Variants in GABRB1 observed in about 807,000 individuals in gnomAD.
The protein encoded by GABRB1 is gamma-aminobutyric acid receptor subunit beta-1.
Under a neutral mutation model 51.6 loss-of-function variants are expected in GABRB1, and 17 were observed. That is an observed-to-expected ratio of 0.33 (90% confidence interval 0.23 to 0.49). GABRB1 has a LOEUF of 0.49. GABRB1 is among the 20% of genes least tolerant of loss of function. GABRB1 has a pLI of 0.99. For synonymous variants in GABRB1, 247 were observed against 218.9 expected (o/e 1.13, Z -1.14); for missense variants, 410 against 600.6 (o/e 0.68, Z 3.32).
At chr4:47,230,933 C>G (rs1721119566) in intron 4 of GABRB1, among the ~76,000 whole-genome samples, 1 of 152,168 alleles carries the variant, frequency 6.6e-6, no homozygotes, top group African/African-American at 2.4e-5. Flanking sequence ...TTCCATGTAA[C>G]AGGCCCTCAT....
intron 4 of GABRB1, among the ~76,000 whole-genome samples, chr4:47,186,441 T>C (rs1403194159): frequency 6.6e-6 from 1 of 151,806 alleles, no homozygotes; most frequent in East Asian, 1.9e-4. Flanking sequence ...ATGGAAGAAA[T>C]TTGTCTGAAA....
At chr4:47,019,629 T>C (rs112286016) in intron 1 of GABRB1, among the ~76,000 whole-genome samples, 2,530 of 29,248 alleles carry the variant, frequency 0.087, 39 homozygotes, top group South Asian at 0.17. Context: ...TTCTCTCTCT[T>C]TCTTTCTTTC....
At chr4:47,098,895 AAT>A (rs1333277851) in intron 3 of GABRB1, among the ~76,000 whole-genome samples, 1 of 152,092 alleles carries the variant, frequency 6.6e-6, no homozygotes, top group Non-Finnish European at 1.5e-5. Context: ...ATTGAAAGAA[AAT>A]TCAACACTTT....
intron 5 of GABRB1, among the ~76,000 whole-genome samples, chr4:47,395,284 G>A (rs1275115593): frequency 6.6e-6 from 1 of 152,170 alleles, no homozygotes; most frequent in Non-Finnish European, 1.5e-5. Context: ...TTACAATCAT[G>A]GCAGAAGGTG....
At chr4:47,171,265 G>T (rs908528555) in intron 4 of GABRB1, among the ~76,000 whole-genome samples, 2 of 148,088 alleles carry the variant, frequency 1.4e-5, no homozygotes, top group Non-Finnish European at 3.0e-5. Context: ...TCAAATGTCA[G>T]TTCTCAAAAA....
chr4:47,312,930 G>C (rs1724757207), intron 4 of GABRB1, among the ~76,000 whole-genome samples: 1 of 152,078 alleles, frequency 6.6e-6, no homozygotes, highest in Non-Finnish European at 1.5e-5. Flanking sequence ...TGTTTTGTCA[G>C]CAATTAGAAT....
intron 5 of GABRB1, among the ~76,000 whole-genome samples, chr4:47,352,763 A>G (rs1726403453): frequency 6.6e-6 from 1 of 152,172 alleles, no homozygotes; most frequent in Non-Finnish European, 1.5e-5. Context: ...TGGTTTGCAC[A>G]TTTGGGTTTG....
chr4:47,112,065 G>A (rs1314877574), intron 3 of GABRB1, among the ~76,000 whole-genome samples: 1 of 151,586 alleles, frequency 6.6e-6, no homozygotes, highest in African/African-American at 2.4e-5. Context: ...CACCTCCCGG[G>A]TTCAAGCGAT....
chr4:47,087,067 A>G (rs1402395755), intron 3 of GABRB1, among the ~76,000 whole-genome samples: 4 of 152,148 alleles, frequency 2.6e-5, no homozygotes, highest in African/African-American at 9.7e-5. Flanking sequence ...ACGTCTCACA[A>G]AATGCTTCGT....
intron 4 of GABRB1, among the ~76,000 whole-genome samples, chr4:47,289,663 A>C (rs1367678929): frequency 6.6e-6 from 1 of 152,212 alleles, no homozygotes; most frequent in East Asian, 1.9e-4. Context: ...ATACTGGTGT[A>C]CTGGATGAGT....
chr4:47,022,660 A>G (rs953677331), intron 1 of GABRB1, among the ~76,000 whole-genome samples: 1 of 152,010 alleles, frequency 6.6e-6, no homozygotes, highest in Non-Finnish European at 1.5e-5. Context: ...ACAAACGCTG[A>G]TAAGGATGTG....
chr4:47,103,907 C>G (rs1476553070), intron 3 of GABRB1, among the ~76,000 whole-genome samples: 1 of 151,682 alleles, frequency 6.6e-6, no homozygotes, highest in African/African-American at 2.4e-5. Context: ...GATATCAGCA[C>G]ATTTCTCTTA....
At chr4:47,403,273 G>C in intron 5 of GABRB1, 45 bp from the exon 6 acceptor site, 1 of 1,602,810 alleles carries the variant, frequency 6.2e-7, no homozygotes, top group Non-Finnish European at 8.5e-7. Flanking sequence ...TATTCAAAAT[G>C]ATTTCCTAAA....
At chr4:47,364,509 G>A (rs1048455912) in intron 5 of GABRB1, among the ~76,000 whole-genome samples, 52 of 151,370 alleles carry the variant, frequency 3.4e-4, no homozygotes, top group Admixed American at 3.3e-3. Flanking sequence ...AGAATAAAAA[G>A]AAAAGGAAAA....
intron 4 of GABRB1, among the ~76,000 whole-genome samples, chr4:47,282,250 A>G (rs1021541584): frequency 2.0e-5 from 3 of 152,188 alleles, no homozygotes; most frequent in African/African-American, 4.8e-5. Flanking sequence ...TGTGGCTCTT[A>G]GAGCCTTGCA....
intron 4 of GABRB1, among the ~76,000 whole-genome samples, chr4:47,281,112 T>C (rs1190393979): frequency 6.6e-6 from 1 of 152,074 alleles, no homozygotes; most frequent in African/African-American, 2.4e-5. Flanking sequence ...AGACAACCTA[T>C]TGACTGGGAA....
At chr4:47,094,010 A>G (rs1189820585) in intron 3 of GABRB1, among the ~76,000 whole-genome samples, 2 of 151,832 alleles carry the variant, frequency 1.3e-5, no homozygotes, top group Non-Finnish European at 2.9e-5. Context: ...AGTATTCCAT[A>G]ACATTCTCCC....
chr4:47,129,717 A>G (rs189881002), intron 3 of GABRB1, among the ~76,000 whole-genome samples: 3 of 152,312 alleles, frequency 2.0e-5, no homozygotes, highest in African/African-American at 7.2e-5. Context: ...TACTTAAACC[A>G]AGAACAAAGT....
intron 4 of GABRB1, among the ~76,000 whole-genome samples, chr4:47,234,795 A>C (rs1721267808): frequency 6.6e-6 from 1 of 152,178 alleles, no homozygotes; most frequent in South Asian, 2.1e-4. Context: ...GAACATTCCT[A>C]GATCTGGCCA....
Sources: gnomAD v4.1 joint callset for allele counts (sites outside exome capture counted in the v4.1 genomes callset) on GRCh38, gnomAD v4.1.1 for gene constraint, MANE v1.5 for transcripts, NCBI Gene and HGNC (gene_info 2026-07-23, HGNC 2026-07-21) for gene names.